The following FGF18 variants were observed in gnomAD, a reference collection of about 807,000 sequenced individuals.
FGF18 encodes the protein fibroblast growth factor 18.
In FGF18, 5 loss-of-function variants were observed where a neutral mutation model predicts 23.0. The ratio of observed to expected loss-of-function variants is 0.22; its 90% CI spans 0.11 to 0.46. FGF18 has a LOEUF of 0.46. Ranked by LOEUF, FGF18 falls within the 20% of genes least tolerant of loss-of-function variation. FGF18 has a pLI of 0.99. For synonymous variants in FGF18, 117 were observed against 118.9 expected (o/e 0.98, Z 0.10); for missense variants, 180 against 291.6 (o/e 0.62, Z 2.79).
At chr5:171,420,321 C>G in intron 1 of FGF18, 86 bp from the exon 2 acceptor site, 1 of 1,606,036 alleles carries the variant, frequency 6.2e-7, no homozygotes, top group Non-Finnish European at 8.5e-7. Context: ...CCCGTCGGTT[C>G]ACCTGACTCT....
At chr5:171,445,664 C>A (rs1339141189) in intron 3 of FGF18, among the ~76,000 whole-genome samples, 2 of 152,082 alleles carry the variant, frequency 1.3e-5, no homozygotes, top group African/African-American at 2.4e-5. Context: ...CAGCGCCTGG[C>A]AAATTTATAT....
chr5:171,425,677 C>T (rs1040685429), intron 2 of FGF18, among the ~76,000 whole-genome samples: 1 of 151,902 alleles, frequency 6.6e-6, no homozygotes, highest in Admixed American at 6.6e-5. Flanking sequence ...ACTACAGGCA[C>T]GAGCCACCAT....
intron 4 of FGF18, among the ~76,000 whole-genome samples, chr5:171,453,137 G>T (rs1047722192): frequency 6.6e-6 from 1 of 152,196 alleles, no homozygotes; most frequent in African/African-American, 2.4e-5. Flanking sequence ...GTTTCCGGGG[G>T]TCGGGCCCAA....
At chr5:171,424,821 C>T (rs550481510) in intron 2 of FGF18, among the ~76,000 whole-genome samples, 1 of 150,778 alleles carries the variant, frequency 6.6e-6, no homozygotes, top group South Asian at 2.1e-4. Flanking sequence ...ATTCAGCACT[C>T]CTCTTCCAGC....
At chr5:171,421,115 C>T (rs1372544689) in intron 2 of FGF18, among the ~76,000 whole-genome samples, 1 of 152,240 alleles carries the variant, frequency 6.6e-6, no homozygotes, top group African/African-American at 2.4e-5. Flanking sequence ...GAGGGCTTGG[C>T]GCTCGGCCTG....
At chr5:171,449,430 G>T (rs1374058081) in intron 4 of FGF18, among the ~76,000 whole-genome samples, 177 bp downstream of exon 4, 1 of 146,434 alleles carries the variant, frequency 6.8e-6, no homozygotes, top group Non-Finnish European at 1.5e-5. Flanking sequence ...AGAGACAGGA[G>T]AGAGAGAGAG....
At chr5:171,437,305 T>G (rs1176233768) in intron 3 of FGF18, among the ~76,000 whole-genome samples, 1 of 152,168 alleles carries the variant, frequency 6.6e-6, no homozygotes, top group Non-Finnish European at 1.5e-5. Context: ...TTGGACACCA[T>G]TTATTTTCCC....
intron 2 of FGF18, among the ~76,000 whole-genome samples, chr5:171,430,453 T>G (rs910008575): frequency 2.7e-5 from 4 of 150,666 alleles, no homozygotes; most frequent in African/African-American, 9.8e-5. Context: ...ACAGAGGAAG[T>G]GCTCAACACA....
At chr5:171,443,532 T>TTTTTC (rs869156904) in intron 3 of FGF18, among the ~76,000 whole-genome samples, 2 of 106,948 alleles carry the variant, frequency 1.9e-5, no homozygotes, top group South Asian at 6.5e-4. Context: ...TTTTTTTTTT[T>TTTTTC]AGCAGAGACA....
chr5:171,453,278 C>T (rs1408885069), intron 4 of FGF18, among the ~76,000 whole-genome samples: 1 of 152,196 alleles, frequency 6.6e-6, no homozygotes, highest in Non-Finnish European at 1.5e-5. Flanking sequence ...CCTGAGGTCA[C>T]GCAGGGGAAC....
chr5:171,436,850 A>G lies in FGF18; in HGVS notation c.250+577A>G, dbSNP rs1433127394. ...GGGAACTCACCCCGCTCCCCTGCCT[A>G]TGCTGCCTCTGCAATGGCTGGGAGG... On this transcript the variant is annotated intron_variant, in intron 3 of 4. Coordinates refer to ENST00000274625, the MANE Select transcript of FGF18 (RefSeq NM_003862.3). This position sits in a 1 kb window ranked among gnomAD's most constrained non-coding sequence, Gnocchi z 4.4. Among the ~76,000 whole-genome samples the G allele has an allele frequency of 3.3e-5, 5 of 152,122 alleles. No individual in the cohort carries two copies. The highest frequency in any genetic ancestry group is 1.3e-4 in the Admixed American group (2 of 15,280).
intron 3 of FGF18, among the ~76,000 whole-genome samples, chr5:171,439,539 G>T (rs1196537794): frequency 6.6e-6 from 1 of 152,212 alleles, no homozygotes; most frequent in Non-Finnish European, 1.5e-5. Flanking sequence ...CCATGTCATA[G>T]AACAGCACTG....
chr5:171,456,616 G>A lies in FGF18; in HGVS notation c.435G>A (p.Lys145=). 1 of 1,614,156 alleles carries A rather than the reference G, an allele frequency of 6.2e-7. No homozygotes were observed. The highest frequency in any genetic ancestry group is 8.5e-7 in the Non-Finnish European group (1 of 1,180,034). Residue 145 remains lysine (K), a synonymous_variant, in exon 5 of 5, where the codon AAG becomes AAA. Transcript: ENST00000274625. This position sits in a 1 kb window ranked among gnomAD's most constrained non-coding sequence, Gnocchi z 6.1. ...ENNYTALMSA[K]YSGWYVGFTK... ...ACTACACGGCCCTGATGTCGGCTAA[G>A]TACTCCGGCTGGTACGTGGGCTTCA...
intron 4 of FGF18, among the ~76,000 whole-genome samples, chr5:171,453,713 G>T (rs1772546403): frequency 6.6e-6 from 1 of 152,188 alleles, no homozygotes; most frequent in South Asian, 2.1e-4. Context: ...TTGGCCTGTA[G>T]TTGGCAATCA....
chr5:171,444,277 G>A lies in FGF18; in HGVS notation c.251-4870G>A, dbSNP rs1772387370. 2.6e-5 allele frequency among the ~76,000 whole-genome samples: 4 copies of A among 152,300 alleles called. No individual in the cohort carries two copies. The South Asian group carries it at 8.3e-4, about 32-fold the overall frequency. On this transcript the variant is annotated intron_variant, in intron 3 of 4. Transcript: ENST00000274625. The stretch of plus-strand genomic sequence containing the variant: ...GGACTGGGGCCTCTGAGAAGTGAGG[G>A]GTGGGGTAGACAGGCAAAGCCCAAG...
chr5:171,445,107 G>A (rs1772400076), intron 3 of FGF18, among the ~76,000 whole-genome samples: 1 of 152,142 alleles, frequency 6.6e-6, no homozygotes. Flanking sequence ...CAACCTAGGA[G>A]ATGAGGAGCC....
intron 3 of FGF18, among the ~76,000 whole-genome samples, chr5:171,444,742 A>G (rs539169004): frequency 1.3e-5 from 2 of 152,282 alleles, no homozygotes; most frequent in East Asian, 3.9e-4. Flanking sequence ...CATGTGACTC[A>G]GGCAAGCCAC....
At chr5:171,438,886 G>A (rs1772293828) in intron 3 of FGF18, among the ~76,000 whole-genome samples, 1 of 152,124 alleles carries the variant, frequency 6.6e-6, no homozygotes, top group South Asian at 2.1e-4. Context: ...TTAGGGGCCT[G>A]CCTTGTCTCA....
chr5:171,437,628 C>A (rs1001085258), intron 3 of FGF18, among the ~76,000 whole-genome samples: 2 of 152,258 alleles, frequency 1.3e-5, no homozygotes, highest in African/African-American at 4.8e-5. Context: ...CCCACCTCTC[C>A]CAGGCCCTCT....
Sources: gnomAD v4.1 joint callset for allele counts (sites outside exome capture counted in the v4.1 genomes callset) on GRCh38, gnomAD v4.1.1 for gene constraint, Gnocchi (gnomAD v3.1) non-coding constraint, MANE v1.5 for transcripts, NCBI Gene and HGNC (gene_info 2026-07-23, HGNC 2026-07-21) for gene names.